USP34: variants seen among roughly 807,000 people sequenced by gnomAD.
USP34 encodes the protein ubiquitin carboxyl-terminal hydrolase 34.
Under a neutral mutation model 460.3 loss-of-function variants are expected in USP34, and 70 were observed. The ratio of observed to expected loss-of-function variants is 0.15; its 90% CI spans 0.13 to 0.19. USP34 has a LOEUF of 0.19. Among genes scored for constraint, USP34 ranks in the 10% least tolerant of loss-of-function variants. The pLI, the probability that USP34 is intolerant of heterozygous loss-of-function variation, is 1.00. For missense variants in USP34, 3,985 were observed against 4,236.2 expected (o/e 0.94, Z 1.65); for synonymous variants, 1,647 against 1,405.3 (o/e 1.17, Z -3.85).
intron 2 of USP34, 24 bp from the exon 3 acceptor site, chr2:61,406,152 A>T (rs1251643142): frequency 1.3e-6 from 2 of 1,486,868 alleles, no homozygotes; most frequent in African/African-American, 2.8e-5. Flanking sequence ...AAAATTGAAT[A>T]AATTAGTAAT....
At chr2:61,458,879 A>C (rs1037963549) in intron 1 of USP34, among the ~76,000 whole-genome samples, 16 of 152,110 alleles carry the variant, frequency 1.1e-4, no homozygotes, top group Non-Finnish European at 1.9e-4. Context: ...CAGCCTGGTC[A>C]ACATGGTGAA....
intron 2 of USP34, among the ~76,000 whole-genome samples, chr2:61,418,713 G>A (rs1357208296): frequency 2.0e-5 from 3 of 152,190 alleles, no homozygotes; most frequent in Non-Finnish European, 4.4e-5. Flanking sequence ...AAGAGAGGAA[G>A]ATGGAAATAG....
chr2:61,350,624 G>C lies in USP34; in HGVS notation c.1321C>G (p.Leu441Val). Residue 441 changes from leucine to valine, a missense_variant, in exon 11 of 80, where the codon CTT (leucine) becomes GTT (valine). Around this residue, in one of 14 missense-constraint regions of USP34, gnomAD observed 716 missense variants for 626.2 expected, o/e 1.14. Transcript: ENST00000398571. ...GAGACCAGATTAAGTAGATGTCTAA[G>C]TGGTACGGGATCCAAATTCTTGATG... is the stretch of plus-strand genomic sequence containing the variant. ...SLIKNLDPVP[L>V]RHLLNLVSAL... is the part of the protein sequence containing the mutation. 6.2e-7 allele frequency: 1 copy of C among 1,613,774 alleles called. No individual in the cohort carries two copies. Among genetic ancestry groups the C allele is most frequent in the East Asian group, 2.2e-5 (1 of 44,822 alleles).
intron 1 of USP34, among the ~76,000 whole-genome samples, chr2:61,441,884 G>A (rs951039348): frequency 4.7e-5 from 7 of 147,526 alleles, no homozygotes; most frequent in Admixed American, 4.0e-4. Flanking sequence ...TATATTGAAA[G>A]CTGTAGTAAC....
At chr2:61,413,625 A>G (rs1694109391) in intron 2 of USP34, among the ~76,000 whole-genome samples, 1 of 146,772 alleles carries the variant, frequency 6.8e-6, no homozygotes. Context: ...ACGCCATTGC[A>G]CTCCATCCTG....
chr2:61,302,808 T>G (rs1228195315), intron 27 of USP34, among the ~76,000 whole-genome samples: 1 of 152,220 alleles, frequency 6.6e-6, no homozygotes, highest in Non-Finnish European at 1.5e-5. Flanking sequence ...TTTTTGTTTT[T>G]TCTTTTTTCA....
At chr2:61,351,036 A>G (rs1322555808) in intron 10 of USP34, among the ~76,000 whole-genome samples, 1 of 152,230 alleles carries the variant, frequency 6.6e-6, no homozygotes, top group East Asian at 1.9e-4. Context: ...CAGTCTGGGC[A>G]ACATAGTGAG....
At chr2:61,269,816 G>A (rs1488186420) in intron 41 of USP34, among the ~76,000 whole-genome samples, 1 of 151,750 alleles carries the variant, frequency 6.6e-6, no homozygotes, top group Non-Finnish European at 1.5e-5. Flanking sequence ...TATATTAATG[G>A]AATATATTAT....
intron 12 of USP34, 48 bp from the exon 13 acceptor site, chr2:61,349,333 C>T (rs1691870765): frequency 8.2e-6 from 13 of 1,579,924 alleles, no homozygotes; most frequent in Admixed American, 1.7e-5. Flanking sequence ...AGTGACTCAG[C>T]TTCTTTGAGA....
intron 3 of USP34, among the ~76,000 whole-genome samples, chr2:61,404,421 G>A (rs1693808655): frequency 6.6e-6 from 1 of 152,072 alleles, no homozygotes; most frequent in African/African-American, 2.4e-5. Context: ...TTGAATCTGG[G>A]CTGCCCTTGT....
At chr2:61,227,769 C>G (rs565996548) in intron 61 of USP34, among the ~76,000 whole-genome samples, 74 of 152,020 alleles carry the variant, frequency 4.9e-4, no homozygotes, top group Non-Finnish European at 1.0e-4. Context: ...ACACTGACTA[C>G]TTACCTTACC....
intron 2 of USP34, among the ~76,000 whole-genome samples, chr2:61,419,131 C>G (rs1694285485): frequency 6.6e-6 from 1 of 152,138 alleles, no homozygotes; most frequent in Admixed American, 6.5e-5. Context: ...GTCATCATCA[C>G]TCGTTCACAG....
At chr2:61,461,654 T>TG (rs1376546280) in intron 1 of USP34, among the ~76,000 whole-genome samples, 1 of 152,118 alleles carries the variant, frequency 6.6e-6, no homozygotes, top group African/African-American at 2.4e-5. Flanking sequence ...CACCATGCCC[T>TG]GCTAAAATAA....
intron 18 of USP34, 144 bp from the exon 19 acceptor site, chr2:61,334,115 A>C: frequency 1.9e-6 from 1 of 518,658 alleles, no homozygotes; most frequent in Non-Finnish European, 3.2e-6. Flanking sequence ...TTTTTCTCAG[A>C]AGTATAAATT....
intron 37 of USP34, among the ~76,000 whole-genome samples, 163 bp downstream of exon 37, chr2:61,282,982 T>C (rs186273187): frequency 4.6e-5 from 7 of 152,320 alleles, no homozygotes; most frequent in Admixed American, 3.9e-4. Flanking sequence ...TTCTTAAACA[T>C]TGTACATAGT....
intron 61 of USP34, 76 bp from the exon 62 acceptor site, chr2:61,227,294 G>C (rs937762115): frequency 2.1e-4 from 309 of 1,499,730 alleles, no homozygotes; most frequent in Non-Finnish European, 2.6e-4. Context: ...CTTGTTTTAT[G>C]TAACAGTGTA....
chr2:61,293,913 G>A (rs1689937224), intron 32 of USP34, among the ~76,000 whole-genome samples: 1 of 152,116 alleles, frequency 6.6e-6, no homozygotes, highest in South Asian at 2.1e-4. Context: ...TACTAGGGAG[G>A]CTGAGGCAGG....
intron 41 of USP34, among the ~76,000 whole-genome samples, chr2:61,275,174 G>C (rs1689334467): frequency 6.6e-6 from 1 of 152,110 alleles, no homozygotes; most frequent in Non-Finnish European, 1.5e-5. Context: ...AGCTGCTTGG[G>C]AGGCTGAGGT....
At position 61,204,399 on chromosome 2, in the gene USP34, A is replaced by T; in HGVS notation, c.9260-19T>A. On this transcript the variant is annotated intron_variant, in intron 73 of 79. Coordinates refer to ENST00000398571, the MANE Select transcript of USP34 (RefSeq NM_014709.4). ...AGAGACACTAAGATATTAAAAGTGT[A>T]CAGTAAGAATAAATGGAAAAAATAA... is the stretch of plus-strand genomic sequence containing the variant. The T allele has an allele frequency of 1.9e-6, 3 of 1,613,996 alleles. No individual in the cohort carries two copies. The highest frequency in any genetic ancestry group is 1.7e-6 in the Non-Finnish European group (2 of 1,179,958).
Sources: allele counts gnomAD v4.1 joint callset (sites outside exome capture counted in the v4.1 genomes callset), GRCh38; gene constraint gnomAD v4.1.1; regional missense constraint gnomAD v4.1.1; transcripts MANE v1.5; gene names NCBI Gene and HGNC (gene_info 2026-07-23, HGNC 2026-07-21).